The following MCM4 variants were observed in gnomAD, a reference collection of about 807,000 sequenced individuals.
MCM4 encodes the protein DNA replication licensing factor MCM4.
MCM4 carries 60 observed loss-of-function variants against 88.7 expected under a neutral mutation model. The observed-to-expected ratio is 0.68, with a 90% confidence interval of 0.55 to 0.84. The LOEUF (loss-of-function observed/expected upper bound fraction) is 0.84. Ranked by LOEUF, MCM4 falls within the 40% of genes least tolerant of loss-of-function variation. The probability of loss-of-function intolerance (pLI) is 0.00; values close to 1 mark genes in which losing one functional copy is unlikely to be tolerated. For synonymous variants in MCM4, 465 were observed against 410.5 expected (o/e 1.13, Z -1.61); for missense variants, 1,149 against 1,105.5 (o/e 1.04, Z -0.56).
At chr8:47,963,448 C>T (rs2090866336) in intron 7 of MCM4, among the ~76,000 whole-genome samples, 1 of 151,966 alleles carries the variant, frequency 6.6e-6, no homozygotes, top group South Asian at 2.1e-4. Flanking sequence ...GAGATTCCAT[C>T]TCAAACAAAC....
In MCM4 at chr8:47,976,962, TTATAAA is replaced by T; in HGVS notation, c.*187_*192del. On this transcript the variant is annotated 3_prime_UTR_variant, in exon 17 of 17. Coordinates refer to ENST00000649973, the MANE Select transcript of MCM4 (RefSeq NM_182746.3). ...AGTATCTGTTTTCATTTTTTTCACG[TTATAAA>T]TAAAAATACTATGCTGGCCGGGCGC... The T allele has an allele frequency of 4.0e-6, 2 of 498,454 alleles. No individual in the cohort carries two copies. The highest frequency in any genetic ancestry group is 2.3e-5 in the South Asian group (1 of 44,416). The allele number at this position is 498,454 out of a possible 1,614,324, so 30.9% of individuals were successfully genotyped here.
In MCM4 at chr8:47,962,759, T is replaced by G; in HGVS notation, c.502-5T>G. ...TGCCTAATACAGTTTTCTCTCCACT[T>G]AAAGAGATTTCTTCAGCGTTTTATT... On this transcript the variant is annotated splice_region_variant and splice_polypyrimidine_tract_variant and intron_variant, in intron 5 of 16. Transcript: ENST00000649973. The G allele has an allele frequency of 6.3e-7, 1 of 1,584,826 alleles. No individual in the cohort carries two copies. The highest frequency in any genetic ancestry group is 1.4e-5 in the African/African-American group (1 of 73,624).
rs2090895032 is a variant in MCM4, at chr8:47,966,034, A to C, written c.833-153A>C. Among the ~76,000 whole-genome samples the C allele has an allele frequency of 2.0e-5, 3 of 152,132 alleles. No individual in the cohort carries two copies. The South Asian group carries it at 6.2e-4, about 32-fold the overall frequency. On this transcript the variant is annotated intron_variant, in intron 8 of 16. Coordinates refer to ENST00000649973, the MANE Select transcript of MCM4 (RefSeq NM_182746.3). ...AAGGGCCAGAGGTTCGCTGGGCTTG[A>C]GAGTCTCCTGAAGACATAGCCTGCA...
chr8:47,974,917 A>G lies in MCM4; in HGVS notation c.2320A>G (p.Thr774Ala), dbSNP rs1163499757. ...TCGGGAAGCTCTGAAGCAGTCTGCA[A>G]CTGATCCCCGGACTGGCATCGTGGA... ...LHREALKQSA[T>A]DPRTGIVDIS... Residue 774 changes from threonine to alanine, a missense_variant, in exon 15 of 17, where the codon ACT (threonine) becomes GCT (alanine). By Grantham distance (58) the Thr-to-Ala change is moderately conservative. This residue lies in a region of MCM4 where 238 missense variants were observed against 241.6 expected (regional missense o/e 0.99). Transcript: ENST00000649973. 8.7e-6 allele frequency: 14 copies of G among 1,614,128 alleles called. No individual in the cohort carries two copies. In the East Asian group the frequency reaches 2.0e-4, roughly 23 times the overall value.
chr8:47,975,947 GA>G, intron 16 of MCM4, 99 bp downstream of exon 16: 2 of 845,826 alleles, frequency 2.4e-6, no homozygotes, highest in Non-Finnish European at 3.3e-6. Context: ...AATAAATATA[GA>G]GAAGAATGAA....
At chr8:47,976,388 G>A (rs919166534) in intron 16 of MCM4, among the ~76,000 whole-genome samples, 1 of 152,074 alleles carries the variant, frequency 6.6e-6, no homozygotes, top group African/African-American at 2.4e-5. Flanking sequence ...TTGTAAATAA[G>A]TAAGGTAGTT....
At position 47,974,851 on chromosome 8, in the gene MCM4, A is replaced by T. The variant is rs2090988094; in HGVS notation, c.2254A>T (p.Lys752Ter). The change falls in exon 15 of 17, where the codon AAA becomes TAA. Residue 752 changes from lysine to a stop codon, truncating the protein, a stop_gained. Coordinates refer to ENST00000649973, the MANE Select transcript of MCM4 (RefSeq NM_182746.3). LOFTEE classifies it high-confidence loss of function. The stretch of plus-strand genomic sequence containing the variant: ...CCATGCTAAAGTAAGATTGTCTAAC[A>T]AAGTTGAAGCCATTGATGTGGAAGA... ...EAHAKVRLSN[K>*]VEAIDVEEAK... The T allele has an allele frequency of 6.2e-7, 1 of 1,614,144 alleles. No homozygotes were observed. The highest frequency in any genetic ancestry group is 8.5e-7 in the Non-Finnish European group (1 of 1,180,062).
In MCM4 at chr8:47,969,977, C is replaced by T. The variant is rs771861107; in HGVS notation, c.1354C>T (p.Leu452Phe). ...SEKRVELLKE[L>F]SRKPDIYERL... is the part of the protein sequence containing the mutation. The stretch of plus-strand genomic sequence containing the variant: ...GAAACGTGTGGAATTGCTTAAGGAA[C>T]TTTCCAGGAAACCAGACATTTATGA... Residue 452 changes from leucine (L) to phenylalanine (F), a missense_variant, in exon 11 of 17, where the codon CTT becomes TTT. Leu to Phe is a conservative substitution (Grantham distance 22). Transcript: ENST00000649973. 1 of 1,614,230 alleles carries T rather than the reference C, an allele frequency of 6.2e-7. No individual in the cohort carries two copies. The highest frequency in any genetic ancestry group is 8.5e-7 in the Non-Finnish European group (1 of 1,180,036).
Position 47,962,398 on chromosome 8 carries a change from A to G in MCM4, c.493A>G (p.Asn165Asp). 1.2e-6 allele frequency: 2 copies of G among 1,614,190 alleles called. No homozygotes were observed. Among genetic ancestry groups the G allele is most frequent in the Non-Finnish European group, 1.7e-6 (2 of 1,180,032 alleles). ...TGTAAATGTGGCAGCATGCAAAGAA[A>G]ACTTTCAGGTGAGCTACATGTATTA... ...TDVNVAACKENFQRFLQRFID... is the reference protein window; with the variant it reads ...TDVNVAACKEDFQRFLQRFID... The change falls in exon 5 of 17, where the codon AAC becomes GAC. Residue 165 changes from asparagine (N) to aspartate (D), a missense_variant. Asn to Asp is a conservative substitution (Grantham distance 23). Coordinates refer to ENST00000649973, the MANE Select transcript of MCM4 (RefSeq NM_182746.3).
At chr8:47,961,469 C>T (rs375425601) in intron 2 of MCM4, 47 bp from the exon 3 acceptor site, 1 of 1,612,322 alleles carries the variant, frequency 6.2e-7, no homozygotes, top group Non-Finnish European at 8.5e-7. Context: ...CCAGGAAGGC[C>T]GGCCCTGAAA....
At chr8:47,961,973 A>T in intron 3 of MCM4, 80 bp from the exon 4 acceptor site, 14 of 1,309,746 alleles carry the variant, frequency 1.1e-5, no homozygotes, top group Non-Finnish European at 1.5e-5. Flanking sequence ...TGTTGCGATT[A>T]GATGGTATAG....
chr8:47,967,598 T>C, intron 10 of MCM4, 113 bp downstream of exon 10: 1 of 1,372,162 alleles, frequency 7.3e-7, no homozygotes, highest in Non-Finnish European at 1.0e-6. Context: ...CAGTTGTCAC[T>C]GCTTGTCTTT....
At chr8:47,968,179 G>A (rs1563833223) in intron 10 of MCM4, among the ~76,000 whole-genome samples, 1 of 151,962 alleles carries the variant, frequency 6.6e-6, no homozygotes, top group South Asian at 2.1e-4. Context: ...ATGGCAGCAC[G>A]GTTCTTCATT....
intron 7 of MCM4, among the ~76,000 whole-genome samples, chr8:47,963,896 A>G (rs2090872066): frequency 6.6e-6 from 1 of 152,234 alleles, no homozygotes; most frequent in South Asian, 2.1e-4. Flanking sequence ...AATGGGAACC[A>G]TATGTTAAGA....
chr8:47,971,402 A>G lies in MCM4; in HGVS notation c.1862A>G (p.Glu621Gly). 8 of 1,614,142 alleles carry G rather than the reference A, an allele frequency of 5.0e-6. No individual in the cohort carries two copies. Among genetic ancestry groups the G allele is most frequent in the Non-Finnish European group, 6.8e-6 (8 of 1,180,004 alleles). ...GTCCTGGCAGCAGCAAATCCCATTG[A>G]GTCTCAGTGGAATCCTAAAAAAACA... is the stretch of plus-strand genomic sequence containing the variant. The part of the protein sequence containing the change: ...TSVLAAANPI[E>G]SQWNPKKTTI... Residue 621 changes from glutamate to glycine, a missense_variant, in exon 13 of 17, where the codon GAG (glutamate) becomes GGG (glycine). Coordinates refer to ENST00000649973, the MANE Select transcript of MCM4 (RefSeq NM_182746.3).
Position 47,963,158 on chromosome 8 carries a change from T to C in MCM4, c.693+118T>C, listed in dbSNP as rs1234829956. 8 of 632,500 alleles carry C rather than the reference T, an allele frequency of 1.3e-5. No homozygotes were observed. In the East Asian group the frequency reaches 2.3e-4, roughly 18 times the overall value. 39.2% of individuals were successfully genotyped at this position (632,500 alleles called of 1,614,324 possible). Reference sequence around the variant, plus strand: ...TGCGCAAACACTTTAAGAAACTGAGTATCATCTCCTTTGGCCCGGTGTGGT... The same window carrying C: ...TGCGCAAACACTTTAAGAAACTGAGCATCATCTCCTTTGGCCCGGTGTGGT... On this transcript the variant is annotated intron_variant, in intron 7 of 16. Coordinates refer to ENST00000649973, the MANE Select transcript of MCM4 (RefSeq NM_182746.3).
chr8:47,976,586 A>G (rs1161979541), intron 16 of MCM4, 100 bp from the exon 17 acceptor site: 7 of 817,804 alleles, frequency 8.6e-6, no homozygotes, highest in African/African-American at 6.8e-5. Flanking sequence ...AAAAAGAGAA[A>G]GATTCTGGGT....
chr8:47,964,716 A>C lies in MCM4; in HGVS notation c.832+4A>C. ...ATGAGAAACCTGAATCCAGAAGGTAATGTATTTTTCATAGGATTACTTTTG... is the reference window on the plus strand; with the variant it reads ...ATGAGAAACCTGAATCCAGAAGGTACTGTATTTTTCATAGGATTACTTTTG... On this transcript the variant is annotated splice_donor_region_variant and intron_variant, in intron 8 of 16. Transcript: ENST00000649973. The C allele has an allele frequency of 6.5e-7, 1 of 1,542,080 alleles. No homozygotes were observed. The highest frequency in any genetic ancestry group is 1.3e-5 in the South Asian group (1 of 79,976).
chr8:47,961,659 C>T lies in MCM4; in HGVS notation c.214C>T (p.Pro72Ser). Residue 72 changes from proline (P) to serine (S), a missense_variant, in exon 3 of 17, where the codon CCT (proline) becomes TCT (serine). Transcript: ENST00000649973. ...PAAQDVLFSSPPQMHSSAIPL... is the reference protein window; with the variant it reads ...PAAQDVLFSSSPQMHSSAIPL... ...TGCGCAGGACGTGCTGTTTTCCAGCCCTCCCCAAATGCATTCTTCAGGTGC... is the reference window on the plus strand; with the variant it reads ...TGCGCAGGACGTGCTGTTTTCCAGCTCTCCCCAAATGCATTCTTCAGGTGC... 1.9e-6 allele frequency: 3 copies of T among 1,611,136 alleles called. No individual in the cohort carries two copies. The highest frequency in any genetic ancestry group is 2.5e-6 in the Non-Finnish European group (3 of 1,177,992).
Sources: gnomAD v4.1 joint callset for allele counts (sites outside exome capture counted in the v4.1 genomes callset) on GRCh38, gnomAD v4.1.1 for gene constraint, gnomAD v4.1.1 regional missense constraint, MANE v1.5 for transcripts, NCBI Gene and HGNC (gene_info 2026-07-23, HGNC 2026-07-21) for gene names.